Variants in MCTP1 observed in about 807,000 individuals in gnomAD.
The protein encoded by MCTP1 is multiple C2 and transmembrane domain-containing protein 1.
A neutral mutation model predicts 120.6 loss-of-function variants in MCTP1; 69 were observed. The ratio of observed to expected loss-of-function variants is 0.57; its 90% CI spans 0.47 to 0.70. MCTP1 has a LOEUF of 0.70. Among genes scored for constraint, MCTP1 ranks in the 30% least tolerant of loss-of-function variants. The pLI, the probability that MCTP1 is intolerant of heterozygous loss-of-function variation, is 0.00. For synonymous variants in MCTP1, 529 were observed against 493.1 expected, an observed-to-expected ratio of 1.07 and a Z score of -0.96; for missense variants, 1,203 against 1,248.8, an observed-to-expected ratio of 0.96 and a Z score of 0.55.
chr5:94,930,500 C>T (rs1814393707), intron 6 of MCTP1, among the ~76,000 whole-genome samples: 1 of 151,928 alleles, frequency 6.6e-6, no homozygotes, highest in African/African-American at 2.4e-5. Flanking sequence ...TCTCGAACTC[C>T]TGACCTCAAG....
At chr5:95,207,938 AGAGAGAGAGGGAGAGAGAGG>A (rs1208233274) in intron 1 of MCTP1, among the ~76,000 whole-genome samples, 22 of 134,484 alleles carry the variant, frequency 1.6e-4, no homozygotes, top group Admixed American at 8.1e-5. Flanking sequence ...CGAGAGAGAG[AGAGAGAGAGGGAGAGAGAGG>A]GAGAGAGAGG....
intron 1 of MCTP1, among the ~76,000 whole-genome samples, chr5:95,073,341 C>A (rs1752727912): frequency 6.6e-6 from 1 of 152,194 alleles, no homozygotes; most frequent in Non-Finnish European, 1.5e-5. Context: ...CTTCTCTTTG[C>A]TGCTGAGGCT....
chr5:94,715,869 T>C (rs1343942142), intron 19 of MCTP1, among the ~76,000 whole-genome samples: 2 of 152,202 alleles, frequency 1.3e-5, no homozygotes, highest in African/African-American at 4.8e-5. Flanking sequence ...TAACTTCTTT[T>C]GAACACTTGC....
chr5:95,165,363 G>C lies in MCTP1; in HGVS notation c.720+118493C>G, dbSNP rs1746205176. Among the ~76,000 whole-genome samples, 3 of 152,252 alleles carry C rather than the reference G, an allele frequency of 2.0e-5. No homozygotes were observed. The South Asian group carries it at 6.2e-4, about 32-fold the overall frequency. Reference sequence around the variant, plus strand: ...TTGGGACCCTCCCCTCATTTTATTAGCAGTGTACAATCTTTGATATTTAGT... The same window carrying C: ...TTGGGACCCTCCCCTCATTTTATTACCAGTGTACAATCTTTGATATTTAGT... On this transcript the variant is annotated intron_variant, in intron 1 of 22. Transcript: ENST00000515393.
intron 22 of MCTP1, chr5:94,708,173 C>T (rs1755322152): frequency 1.2e-5 from 2 of 160,962 alleles, no homozygotes; most frequent in South Asian, 2.1e-4. Flanking sequence ...CTTAAATGTC[C>T]ACTGGCATAT....
intron 1 of MCTP1, among the ~76,000 whole-genome samples, chr5:95,137,369 T>G (rs1759525510): frequency 6.6e-6 from 1 of 152,198 alleles, no homozygotes; most frequent in Non-Finnish European, 1.5e-5. Flanking sequence ...GCTCACAGAG[T>G]TGCTGTGAAG....
rs539846798 is a variant in MCTP1 at position 95,156,751 on chromosome 5, G to C, written c.720+127105C>G. Among the ~76,000 whole-genome samples the C allele has an allele frequency of 2.2e-4, 34 of 152,146 alleles. 1 individual carries two copies. The highest frequency in any genetic ancestry group is 1.4e-3 in the Admixed American group (22 of 15,268). On this transcript the variant is annotated intron_variant, in intron 1 of 22. Transcript: ENST00000515393. ...ATTGTAAGTGTTTTTGGTTCCTCTT[G>C]TAATTAATTGTAAATATTTGTACAA...
At position 94,802,109 on chromosome 5, in the gene MCTP1, C is replaced by T. The variant is rs187859897; in HGVS notation, c.2437-2977G>A. Reference sequence around the variant, plus strand: ...ATTACATTCATTTTAGGAATTCTGGCAATAGAAAAACCATCTCCTTTTCTA... The same window carrying T: ...ATTACATTCATTTTAGGAATTCTGGTAATAGAAAAACCATCTCCTTTTCTA... On this transcript the variant is annotated intron_variant, in intron 17 of 22. Transcript: ENST00000515393. 3.0e-4 allele frequency among the ~76,000 whole-genome samples: 46 copies of T among 152,204 alleles called. 1 individual carries two copies. Among genetic ancestry groups the T allele is most frequent in the African/African-American group, 1.1e-3 (45 of 41,524 alleles).
At chr5:95,202,997 G>A (rs251086) in intron 1 of MCTP1, among the ~76,000 whole-genome samples, 20,630 of 152,144 alleles carry the variant, frequency 0.14, 1,659 homozygotes, top group African/African-American at 0.22. Context: ...CCAAAGTGCT[G>A]GGATTACAGG....
intron 2 of MCTP1, among the ~76,000 whole-genome samples, chr5:95,000,805 G>A (rs1833531938): frequency 6.6e-6 from 1 of 152,206 alleles, no homozygotes; most frequent in Admixed American, 6.5e-5. Flanking sequence ...AGTGTACAGT[G>A]TGTATCACCT....
intron 2 of MCTP1, 49 bp from the exon 3 acceptor site, chr5:94,953,410 GC>G: frequency 7.0e-7 from 1 of 1,424,430 alleles, no homozygotes; most frequent in Non-Finnish European, 9.4e-7. Context: ...TGGTTTGGAA[GC>G]AAGAGAACCA....
chr5:95,107,375 A>C (rs1757154432), intron 1 of MCTP1, among the ~76,000 whole-genome samples: 2 of 152,346 alleles, frequency 1.3e-5, no homozygotes, highest in South Asian at 2.1e-4. Context: ...ACCCTTCATA[A>C]AACTAGATGA....
At chr5:94,720,508 ATATT>A (rs1279519209) in intron 19 of MCTP1, among the ~76,000 whole-genome samples, 2 of 152,194 alleles carry the variant, frequency 1.3e-5, no homozygotes, top group African/African-American at 4.8e-5. Flanking sequence ...AAATCAGAAA[ATATT>A]TAGAAAGAAT....
At chr5:95,089,073 C>A (rs1202560122) in intron 1 of MCTP1, among the ~76,000 whole-genome samples, 1 of 152,024 alleles carries the variant, frequency 6.6e-6, no homozygotes, top group Admixed American at 6.6e-5. Context: ...TATTATATAC[C>A]AATTAGAAAA....
At chr5:94,971,748 G>A (rs1304324202) in intron 2 of MCTP1, among the ~76,000 whole-genome samples, 1 of 152,100 alleles carries the variant, frequency 6.6e-6, no homozygotes, top group African/African-American at 2.4e-5. Flanking sequence ...ACCACACAGA[G>A]AGCCATCTGC....
chr5:95,077,765 C>A (rs532174881), intron 1 of MCTP1, among the ~76,000 whole-genome samples: 122 of 152,280 alleles, frequency 8.0e-4, no homozygotes, highest in African/African-American at 2.9e-3. Flanking sequence ...AGCCACTGCG[C>A]CTGGCCAGTT....
intron 17 of MCTP1, among the ~76,000 whole-genome samples, chr5:94,829,102 C>T (rs1249110246): frequency 6.6e-6 from 1 of 152,176 alleles, no homozygotes; most frequent in Non-Finnish European, 1.5e-5. Context: ...GCGGTGTAGG[C>T]ACCTGAGGGA....
chr5:95,275,224 T>C (rs1208264214), intron 1 of MCTP1, among the ~76,000 whole-genome samples: 5 of 152,246 alleles, frequency 3.3e-5, no homozygotes, highest in Non-Finnish European at 7.3e-5. Context: ...ATATATTTTA[T>C]TTAACCTATG....
intron 1 of MCTP1, among the ~76,000 whole-genome samples, chr5:95,136,633 A>G (rs1459998327): frequency 6.6e-6 from 1 of 152,182 alleles, no homozygotes; most frequent in Non-Finnish European, 1.5e-5. Flanking sequence ...CTCACAATAG[A>G]GTTTACAATG....
Sources: allele counts gnomAD v4.1 joint callset (sites outside exome capture counted in the v4.1 genomes callset), GRCh38; gene constraint gnomAD v4.1.1; transcripts MANE v1.5; gene names NCBI Gene and HGNC (gene_info 2026-07-23, HGNC 2026-07-21).